The following PARP12 variants were observed in gnomAD, a reference collection of about 807,000 sequenced individuals.
PARP12 encodes protein mono-ADP-ribosyltransferase PARP12.
A neutral mutation model predicts 72.4 loss-of-function variants in PARP12; 59 were observed. That is an observed-to-expected ratio of 0.81 (90% CI 0.66 to 1.01). PARP12 has a LOEUF of 1.01. Ranked by LOEUF, PARP12 falls within the 50% of genes least tolerant of loss-of-function variation. The probability of loss-of-function intolerance (pLI) is 0.00; values close to 1 mark genes in which losing one functional copy is unlikely to be tolerated. For missense variants in PARP12, 851 were observed against 914.0 expected (o/e 0.93, Z 0.89); for synonymous variants, 403 against 371.4 (o/e 1.09, Z -0.98).
intron 7 of PARP12, chr7:140,034,560 G>A (rs1337335603): frequency 2.4e-5 from 8 of 339,058 alleles, no homozygotes; most frequent in Non-Finnish European, 3.9e-5. Context: ...ATTAGTAATT[G>A]ACATATCAAT....
At position 140,024,902 on chromosome 7, in the gene PARP12, G is replaced by A; in HGVS notation, c.1781-17C>T. On this transcript the variant is annotated splice_polypyrimidine_tract_variant and intron_variant, in intron 11 of 11. Coordinates refer to ENST00000263549, the MANE Select transcript of PARP12 (RefSeq NM_022750.4). ...AGTAGCTCCCTGAAATGACACACGA[G>A]GGCTCAGCTGGTGGAGGGGCCTGCA... 10 of 1,608,144 alleles carry A rather than the reference G, an allele frequency of 6.2e-6. No homozygotes were observed. Among genetic ancestry groups the A allele is most frequent in the Non-Finnish European group, 8.5e-6 (10 of 1,175,824 alleles).
chr7:140,060,023 A>G (rs1310532647), intron 1 of PARP12, among the ~76,000 whole-genome samples: 1 of 152,252 alleles, frequency 6.6e-6, no homozygotes, highest in Non-Finnish European at 1.5e-5. Flanking sequence ...TGTAACGATG[A>G]CTGATGGTAA....
intron 1 of PARP12, 47 bp downstream of exon 1, chr7:140,062,475 G>C: frequency 6.7e-7 from 1 of 1,494,132 alleles, no homozygotes; most frequent in Non-Finnish European, 8.9e-7. Flanking sequence ...AGTGCGTGAG[G>C]GCGCGCAGGA....
chr7:140,027,948 T>C (rs1815798380), intron 9 of PARP12, among the ~76,000 whole-genome samples: 2 of 152,162 alleles, frequency 1.3e-5, no homozygotes, highest in African/African-American at 4.8e-5. Context: ...TTTAGGTCCT[T>C]AGCACTTCTT....
chr7:140,057,077 A>G lies in PARP12; in HGVS notation c.539T>C (p.Ile180Thr), dbSNP rs781340535. The stretch of plus-strand genomic sequence containing the variant: ...TTCCCCCTGTAAAAAATACTGGCAG[A>G]TATGGAGCTTGATGCACTGCTTTTG... ...AFQKQCIKLH[I>T]CQYFLQGECK... Residue 180 changes from isoleucine to threonine, a missense_variant, in exon 3 of 12, where the codon ATC (isoleucine) becomes ACC (threonine). Physicochemically the swap from Ile to Thr is moderately conservative, Grantham distance 89. This residue lies in a region of PARP12 where 492 missense variants were observed against 489.3 expected (regional missense o/e 1.01). Transcript: ENST00000263549. The G allele has an allele frequency of 6.2e-7, 1 of 1,614,206 alleles. No homozygotes were observed. Among genetic ancestry groups the G allele is most frequent in the Non-Finnish European group, 8.5e-7 (1 of 1,180,036 alleles).
rs889819994 is a variant in PARP12, at chr7:140,028,633, G to C, written c.1477C>G (p.Leu493Val). The C allele has an allele frequency of 6.2e-7, 1 of 1,600,494 alleles. No homozygotes were observed. The highest frequency in any genetic ancestry group is 8.5e-7 in the Non-Finnish European group (1 of 1,173,166). ...SIPDYWDSSALPDPGFQKITL... is the reference protein window; with the variant it reads ...SIPDYWDSSAVPDPGFQKITL... ...CCTACCTGAAAGCCTGGGTCTGGCA[G>C]GGCAGAGGAGTCCCAATAGTCTGGG... Residue 493 changes from leucine to valine, a missense_variant, in exon 9 of 12, where the codon CTG becomes GTG. Physicochemically the swap from Leu to Val is conservative, Grantham distance 32. Coordinates refer to ENST00000263549, the MANE Select transcript of PARP12 (RefSeq NM_022750.4).
chr7:140,026,336 C>T lies in PARP12; in HGVS notation c.1641G>A (p.Gln547=). The T allele has an allele frequency of 2.5e-6, 4 of 1,610,710 alleles. 1 individual carries two copies. Residue 547 remains glutamine, a synonymous_variant, in exon 11 of 12, where the codon CAG becomes CAA. Transcript: ENST00000263549. ...LWEVYQWQKG[Q]MQKQNGGKAV... The stretch of plus-strand genomic sequence containing the variant: ...CCTTCCCTCCGTTCTGCTTCTGCAT[C>T]TGTCCTTTTTGCCTAGAATCACAGA...
intron 6 of PARP12, among the ~76,000 whole-genome samples, chr7:140,040,617 C>T (rs998967725): frequency 3.9e-5 from 6 of 152,192 alleles, no homozygotes; most frequent in African/African-American, 1.4e-4. Flanking sequence ...ATGGAGCTTA[C>T]ATTAGAGCAT....
intron 4 of PARP12, among the ~76,000 whole-genome samples, chr7:140,047,507 G>GT (rs760490749): frequency 9.2e-5 from 14 of 152,294 alleles, no homozygotes; most frequent in Non-Finnish European, 1.8e-4. Context: ...CTCCATATAG[G>GT]TAAGACATAA....
Position 140,054,709 on chromosome 7 carries a change from C to A in PARP12, c.815G>T (p.Gly272Val). 1 of 1,614,186 alleles carries A rather than the reference C, an allele frequency of 6.2e-7. No homozygotes were observed. Among genetic ancestry groups the A allele is most frequent in the African/African-American group, 1.3e-5 (1 of 75,064 alleles). Reference protein sequence around the residue: ...VSPNTLSQEEGDQICLYHIRK... With the variant: ...VSPNTLSQEEVDQICLYHIRK... ...GATATGGTACAAACAGATCTGATCA[C>A]CCTCCTCCTGGCTAAGAGTGTTTGG... Residue 272 changes from glycine (G) to valine (V), a missense_variant, in exon 4 of 12, where the codon GGT becomes GTT. Around this residue, in one of 3 missense-constraint regions of PARP12, gnomAD observed 492 missense variants for 489.3 expected, o/e 1.01. Coordinates refer to ENST00000263549, the MANE Select transcript of PARP12 (RefSeq NM_022750.4).
At chr7:140,051,798 T>C (rs1816972839) in intron 4 of PARP12, among the ~76,000 whole-genome samples, 1 of 152,160 alleles carries the variant, frequency 6.6e-6, no homozygotes, top group Non-Finnish European at 1.5e-5. Flanking sequence ...AAATTGCCCT[T>C]GATTGATGAG....
Position 140,024,636 on chromosome 7 carries a change from T to C in PARP12, c.2030A>G (p.Tyr677Cys). 1 of 1,614,062 alleles carries C rather than the reference T, an allele frequency of 6.2e-7. No homozygotes were observed. Among genetic ancestry groups the C allele is most frequent in the Non-Finnish European group, 8.5e-7 (1 of 1,179,996 alleles). ...HQVYPEYVIQ[Y>C]TTSSKPSVTP... ...GACCGAGGGCTTGGAGGAGGTGGTG[T>C]ACTGGATGACATACTCTGGGTAGAC... Residue 677 changes from tyrosine (Y) to cysteine (C), a missense_variant, in exon 12 of 12, where the codon TAC becomes TGC. Transcript: ENST00000263549.
chr7:140,029,462 T>C (rs1263134960), intron 8 of PARP12, among the ~76,000 whole-genome samples: 2 of 152,188 alleles, frequency 1.3e-5, no homozygotes, highest in South Asian at 2.1e-4. Context: ...GCATGAAACA[T>C]ATACCTTCAT....
intron 1 of PARP12, among the ~76,000 whole-genome samples, chr7:140,061,660 G>T (rs1284605977): frequency 6.6e-6 from 1 of 152,084 alleles, no homozygotes; most frequent in East Asian, 1.9e-4. Context: ...CCAGGGTGAG[G>T]CCCAAATTCT....
chr7:140,051,043 G>A (rs917583666), intron 4 of PARP12, among the ~76,000 whole-genome samples: 17 of 152,122 alleles, frequency 1.1e-4, no homozygotes, highest in Non-Finnish European at 2.4e-4. Flanking sequence ...ACCTTCATCT[G>A]TAGTCATCAG....
chr7:140,061,968 G>A (rs1425478918), intron 1 of PARP12, among the ~76,000 whole-genome samples: 1 of 125,364 alleles, frequency 8.0e-6, no homozygotes, highest in African/African-American at 3.1e-5. Flanking sequence ...AAATGCCCAG[G>A]CTCCCAGAAA....
intron 1 of PARP12, among the ~76,000 whole-genome samples, chr7:140,058,773 C>A (rs1281376137): frequency 6.6e-6 from 1 of 152,146 alleles, no homozygotes; most frequent in African/African-American, 2.4e-5. Flanking sequence ...AGAAACACTT[C>A]CTGACAGTAT....
At chr7:140,034,502 A>C (rs1170875500) in intron 7 of PARP12, 171 bp from the exon 8 acceptor site, 1 of 499,920 alleles carries the variant, frequency 2.0e-6, no homozygotes, top group Non-Finnish European at 3.6e-6. Context: ...AATATTCATA[A>C]AGAAAATAGG....
Position 140,023,889 on chromosome 7 carries a change from A to C in PARP12, c.*671T>G, listed in dbSNP as rs1815623308. The C allele has an allele frequency of 6.4e-6, 1 of 157,270 alleles. No homozygotes were observed. Among genetic ancestry groups the C allele is most frequent in the African/African-American group, 2.4e-5 (1 of 41,480 alleles). 9.7% of individuals were successfully genotyped at this position (157,270 alleles called of 1,614,324 possible). On this transcript the variant is annotated 3_prime_UTR_variant, in exon 12 of 12. Coordinates refer to ENST00000263549, the MANE Select transcript of PARP12 (RefSeq NM_022750.4). Reference sequence around the variant, plus strand: ...TGTGGGTTTGCGCAATCACAGGCCAAGCCTGGGGGTCCTCGGGGAAGCTAC... The same window carrying C: ...TGTGGGTTTGCGCAATCACAGGCCACGCCTGGGGGTCCTCGGGGAAGCTAC...
Sources: allele counts gnomAD v4.1 joint callset (sites outside exome capture counted in the v4.1 genomes callset), GRCh38; gene constraint gnomAD v4.1.1; regional missense constraint gnomAD v4.1.1; transcripts MANE v1.5; gene names NCBI Gene and HGNC (gene_info 2026-07-23, HGNC 2026-07-21).